CNTNAP4: variants seen among roughly 807,000 people sequenced by gnomAD.
CNTNAP4 encodes the protein contactin associated protein family member 4, also known as contactin-associated protein-like 4.
A neutral mutation model predicts 148.4 loss-of-function variants in CNTNAP4; 98 were observed. That is an observed-to-expected ratio of 0.66 (90% confidence interval 0.56 to 0.78). CNTNAP4 has a LOEUF of 0.78. Among genes scored for constraint, CNTNAP4 ranks in the 30% least tolerant of loss-of-function variants. CNTNAP4 has a pLI of 0.00. For synonymous variants in CNTNAP4, 730 were observed against 565.1 expected (o/e 1.29, Z -4.14); for missense variants, 1,935 against 1,565.6 (o/e 1.24, Z -3.98).
At chr16:76,458,115 A>G (rs1190976388) in intron 8 of CNTNAP4, among the ~76,000 whole-genome samples, 2 of 152,192 alleles carry the variant, frequency 1.3e-5, no homozygotes, top group Non-Finnish European at 2.9e-5. Context: ...TGTTGCTGCA[A>G]ACAATGTTAT....
intron 3 of CNTNAP4, among the ~76,000 whole-genome samples, chr16:76,424,437 C>G (rs1419051579): frequency 6.6e-6 from 1 of 152,086 alleles, no homozygotes; most frequent in Non-Finnish European, 1.5e-5. Context: ...GCACATTACT[C>G]TAATTTGGAA....
At chr16:76,502,936 A>G (rs184344290) in intron 15 of CNTNAP4, among the ~76,000 whole-genome samples, 3 of 152,316 alleles carry the variant, frequency 2.0e-5, no homozygotes, top group Admixed American at 2.0e-4. Flanking sequence ...AAAGCAGGAC[A>G]AATAAAACAT....
chr16:76,494,785 C>CCTGA (rs2082342409), intron 13 of CNTNAP4, 125 bp from the exon 14 acceptor site: 1 of 1,041,772 alleles, frequency 9.6e-7, no homozygotes, highest in Non-Finnish European at 1.4e-6. Flanking sequence ...ATCCTTAAAT[C>CCTGA]CAATCAATCT....
At chr16:76,489,360 C>T (rs1012353151) in intron 12 of CNTNAP4, among the ~76,000 whole-genome samples, 1 of 151,828 alleles carries the variant, frequency 6.6e-6, no homozygotes, top group Admixed American at 6.6e-5. Context: ...GATGGAATAT[C>T]GATTTCAATG....
chr16:76,517,831 C>G (rs796664569), intron 15 of CNTNAP4, among the ~76,000 whole-genome samples: 3 of 152,238 alleles, frequency 2.0e-5, no homozygotes, highest in African/African-American at 7.2e-5. Context: ...CTCGATCGCT[C>G]CATCTCCCTA....
intron 3 of CNTNAP4, among the ~76,000 whole-genome samples, chr16:76,385,311 T>C (rs1254783582): frequency 6.6e-6 from 1 of 152,220 alleles, no homozygotes; most frequent in Admixed American, 6.5e-5. Context: ...TGCTATGCTA[T>C]GTCATCTCAC....
At chr16:76,297,477 G>A (rs16944188) in intron 1 of CNTNAP4, among the ~76,000 whole-genome samples, 10,204 of 152,164 alleles carry the variant, frequency 0.067, 1,061 homozygotes, top group African/African-American at 0.22. Flanking sequence ...AAATGTGCAT[G>A]CTCCGAGTTG....
rs2014841033 is a variant in CNTNAP4 at position 76,371,687 on chromosome 16, G to C, written c.390+16176G>C. 2.0e-5 allele frequency among the ~76,000 whole-genome samples: 3 copies of C among 152,194 alleles called. No homozygotes were observed. In the South Asian group the frequency reaches 6.2e-4, roughly 32 times the overall value. On this transcript the variant is annotated intron_variant, in intron 3 of 23. Coordinates refer to ENST00000611870, the MANE Select transcript of CNTNAP4 (RefSeq NM_033401.5). ...GTTTTGCTTAGCTGGAAGATCTTAT[G>C]GCTCTGTCCAGTCCTAACCTTGGCA...
chr16:76,364,252 A>AAG (rs2013827731), intron 3 of CNTNAP4, among the ~76,000 whole-genome samples: 1 of 150,560 alleles, frequency 6.6e-6, no homozygotes, highest in East Asian at 1.9e-4. Flanking sequence ...AAAAAAAAAA[A>AAG]AAAAAAACAG....
At chr16:76,344,686 A>G (rs1322299558) in intron 2 of CNTNAP4, among the ~76,000 whole-genome samples, 2 of 152,190 alleles carry the variant, frequency 1.3e-5, no homozygotes, top group Non-Finnish European at 2.9e-5. Flanking sequence ...TCAAGATGAG[A>G]GAGATTCTAT....
At chr16:76,479,625 C>G in intron 12 of CNTNAP4, 87 bp downstream of exon 12, 2 of 1,370,354 alleles carry the variant, frequency 1.5e-6, no homozygotes, top group Non-Finnish European at 1.0e-6. Flanking sequence ...AGAATGTTGA[C>G]GTAATTTGCA....
intron 2 of CNTNAP4, among the ~76,000 whole-genome samples, chr16:76,327,453 A>G (rs894761152): frequency 1.3e-5 from 2 of 152,138 alleles, no homozygotes; most frequent in Non-Finnish European, 2.9e-5. Flanking sequence ...TCAGTCCATC[A>G]TTGATGGGTA....
chr16:76,513,878 A>C (rs982893693), intron 15 of CNTNAP4, among the ~76,000 whole-genome samples: 1 of 152,220 alleles, frequency 6.6e-6, no homozygotes, highest in African/African-American at 2.4e-5. Flanking sequence ...TAAAAAGCTC[A>C]AAATTCTGAT....
At chr16:76,454,213 C>T (rs2143281598) in intron 8 of CNTNAP4, among the ~76,000 whole-genome samples, 1 of 150,824 alleles carries the variant, frequency 6.6e-6, no homozygotes, top group East Asian at 2.0e-4. Context: ...CTCCCGGGTT[C>T]AAGTGATTCT....
At chr16:76,306,930 C>T (rs1311020294) in intron 1 of CNTNAP4, among the ~76,000 whole-genome samples, 1 of 152,104 alleles carries the variant, frequency 6.6e-6, no homozygotes, top group Non-Finnish European at 1.5e-5. Flanking sequence ...TGTATCAGAC[C>T]TCGGGAAGTA....
rs536922652 is a variant in CNTNAP4, at chr16:76,416,636, A to G, written c.391-10816A>G. Among the ~76,000 whole-genome samples the G allele has an allele frequency of 4.0e-5, 6 of 151,586 alleles. No individual in the cohort carries two copies. The East Asian group carries it at 1.2e-3, about 29-fold the overall frequency. On this transcript the variant is annotated intron_variant, in intron 3 of 23. Transcript: ENST00000611870. ...ATGATTTCTATTTTTATAAATTTGC[A>G]AGAGTGTGTTTTATGACCGATAATA...
intron 18 of CNTNAP4, among the ~76,000 whole-genome samples, chr16:76,536,024 C>T (rs1157476672): frequency 6.6e-6 from 1 of 152,060 alleles, no homozygotes; most frequent in Non-Finnish European, 1.5e-5. Context: ...TTATGAAAAA[C>T]TAGTGTTTGT....
At chr16:76,363,652 A>G (rs998664191) in intron 3 of CNTNAP4, among the ~76,000 whole-genome samples, 1 of 152,244 alleles carries the variant, frequency 6.6e-6, no homozygotes, top group Non-Finnish European at 1.5e-5. Flanking sequence ...AAGTGGAACT[A>G]CGTCAACAAA....
At chr16:76,346,432 TA>T (rs59482710) in intron 2 of CNTNAP4, among the ~76,000 whole-genome samples, 48,915 of 123,598 alleles carry the variant, frequency 0.4, 8,547 homozygotes, top group South Asian at 0.54. Flanking sequence ...CTAGGGAAGA[TA>T]AAAAAAAAAA....
Sources: gnomAD v4.1 joint callset for allele counts (sites outside exome capture counted in the v4.1 genomes callset) on GRCh38, gnomAD v4.1.1 for gene constraint, MANE v1.5 for transcripts, NCBI Gene and HGNC (gene_info 2026-07-23, HGNC 2026-07-21) for gene names.